Variants in CTTNBP2 observed in about 807,000 individuals in gnomAD.
The protein encoded by CTTNBP2 is cortactin binding protein 2, also known as cortactin-binding protein 2.
CTTNBP2 carries 108 observed loss-of-function variants against 156.9 expected under a neutral mutation model. The observed-to-expected ratio is 0.69, with a 90% confidence interval of 0.59 to 0.81. The LOEUF is 0.81. CTTNBP2 is among the 30% of genes least tolerant of loss of function. CTTNBP2 has a pLI of 0.00. For synonymous variants in CTTNBP2, 767 were observed against 751.8 expected, an observed-to-expected ratio of 1.02 and a Z score of -0.33; for missense variants, 1,924 against 2,035.4, an observed-to-expected ratio of 0.95 and a Z score of 1.05.
At chr7:117,795,079 G>C (rs1237222234) in intron 3 of CTTNBP2, among the ~76,000 whole-genome samples, 11 of 149,406 alleles carry the variant, frequency 7.4e-5, no homozygotes, top group Non-Finnish European at 1.3e-4. Context: ...TGTATTTTTA[G>C]TAGAGACGGG....
chr7:117,854,462 A>G (rs1803127874), intron 2 of CTTNBP2, among the ~76,000 whole-genome samples: 1 of 152,220 alleles, frequency 6.6e-6, no homozygotes, highest in Non-Finnish European at 1.5e-5. Flanking sequence ...TTAAAACTAG[A>G]GTGGAACCAT....
At chr7:117,839,264 T>C (rs939647253) in intron 2 of CTTNBP2, among the ~76,000 whole-genome samples, 3 of 152,190 alleles carry the variant, frequency 2.0e-5, no homozygotes, top group Admixed American at 1.3e-4. Flanking sequence ...TGTAGTCTCA[T>C]TGAATCCTGA....
chr7:117,863,501 C>A (rs1057149947), intron 1 of CTTNBP2, among the ~76,000 whole-genome samples: 4 of 152,178 alleles, frequency 2.6e-5, no homozygotes, highest in Non-Finnish European at 5.9e-5. Flanking sequence ...TGTGAAAAAA[C>A]AAGCCACGGG....
chr7:117,775,946 TTG>T (rs1562994647), intron 8 of CTTNBP2, among the ~76,000 whole-genome samples: 23 of 152,160 alleles, frequency 1.5e-4, no homozygotes, highest in African/African-American at 4.6e-4. Context: ...CCAGACTGAA[TTG>T]AATCATGCCC....
intron 2 of CTTNBP2, among the ~76,000 whole-genome samples, chr7:117,829,030 T>G (rs1390251947): frequency 6.6e-6 from 1 of 152,232 alleles, no homozygotes; most frequent in African/African-American, 2.4e-5. Flanking sequence ...AAAACTGAAT[T>G]ATATATTTAA....
At chr7:117,768,093 A>ACACACACACACG (rs1298795797) in intron 8 of CTTNBP2, among the ~76,000 whole-genome samples, 1 of 5,642 alleles carries the variant, frequency 1.8e-4, no homozygotes, top group Non-Finnish European at 3.6e-4. Flanking sequence ...CTGTAAATGC[A>ACACACACACACG]CACACACACA....
intron 22 of CTTNBP2, among the ~76,000 whole-genome samples, chr7:117,713,423 C>G (rs1415935774): frequency 1.3e-5 from 2 of 152,188 alleles, no homozygotes; most frequent in African/African-American, 2.4e-5. Flanking sequence ...TTCTTCAATA[C>G]TAATTTCTAA....
At chr7:117,807,973 C>A (rs1305420094) in intron 3 of CTTNBP2, among the ~76,000 whole-genome samples, 6 of 152,218 alleles carry the variant, frequency 3.9e-5, no homozygotes, top group Non-Finnish European at 8.8e-5. Context: ...AACTAAGAAT[C>A]CTGTCTGAGG....
At chr7:117,756,344 G>C (rs1796880877) in intron 12 of CTTNBP2, among the ~76,000 whole-genome samples, 1 of 151,920 alleles carries the variant, frequency 6.6e-6, no homozygotes, top group Non-Finnish European at 1.5e-5. Flanking sequence ...GTGGTCTCTG[G>C]ATCCAGGCAA....
intron 1 of CTTNBP2, among the ~76,000 whole-genome samples, chr7:117,866,487 A>T (rs1159835045): frequency 6.6e-6 from 1 of 152,144 alleles, no homozygotes; most frequent in Non-Finnish European, 1.5e-5. Context: ...TCTTCCCACC[A>T]ACACCAAGAG....
chr7:117,828,759 T>C (rs1489975679), intron 2 of CTTNBP2, among the ~76,000 whole-genome samples: 2 of 152,244 alleles, frequency 1.3e-5, no homozygotes, highest in South Asian at 2.1e-4. Context: ...TCTATGTGTA[T>C]ACAATTTTTC....
In CTTNBP2 at chr7:117,711,752, T is replaced by C. The variant is rs1185557631; in HGVS notation, c.4777A>G (p.Thr1593Ala). 3 of 1,613,588 alleles carry C rather than the reference T, an allele frequency of 1.9e-6. No homozygotes were observed. Among genetic ancestry groups the C allele is most frequent in the Non-Finnish European group, 2.5e-6 (3 of 1,179,732 alleles). ...EVSPLSSHQT[T>A]ECSNSKSKTE... The stretch of plus-strand genomic sequence containing the variant: ...TTTGATTTACTGTTGCTGCATTCAG[T>C]AGTTTGATGGCTGCTGAGAGGACTG... The change falls in exon 23 of 23, where the codon ACT becomes GCT. Residue 1593 changes from threonine to alanine, a missense_variant. Coordinates refer to ENST00000160373, the MANE Select transcript of CTTNBP2 (RefSeq NM_033427.3).
intron 2 of CTTNBP2, among the ~76,000 whole-genome samples, chr7:117,818,803 G>A (rs973401748): frequency 2.6e-5 from 4 of 152,242 alleles, no homozygotes; most frequent in African/African-American, 9.6e-5. Context: ...TATGTTTGAA[G>A]AGGTGTTTGA....
At chr7:117,725,290 A>T in intron 17 of CTTNBP2, 33 bp from the exon 18 acceptor site, 1 of 1,581,324 alleles carries the variant, frequency 6.3e-7, no homozygotes, top group Non-Finnish European at 8.7e-7. Context: ...ATCCCTTAGG[A>T]GCAGGCTTCT....
At chr7:117,769,602 T>C (rs184195559) in intron 8 of CTTNBP2, among the ~76,000 whole-genome samples, 34 of 152,314 alleles carry the variant, frequency 2.2e-4, no homozygotes, top group Non-Finnish European at 3.5e-4. Context: ...ATTTAAGAAA[T>C]TGCTAAGCTA....
chr7:117,796,813 T>TTATG (rs1799347817), intron 3 of CTTNBP2, among the ~76,000 whole-genome samples: 3 of 152,306 alleles, frequency 2.0e-5, no homozygotes, highest in Non-Finnish European at 4.4e-5. Flanking sequence ...TTTTTATAAG[T>TTATG]TAGATAGGGG....
chr7:117,830,113 C>T (rs1478710655), intron 2 of CTTNBP2, among the ~76,000 whole-genome samples: 1 of 152,102 alleles, frequency 6.6e-6, no homozygotes, highest in Non-Finnish European at 1.5e-5. Context: ...TCTTGATAGC[C>T]CATTTCCAAA....
chr7:117,717,426 C>T (rs1170527737), intron 22 of CTTNBP2, among the ~76,000 whole-genome samples: 2 of 151,410 alleles, frequency 1.3e-5, no homozygotes, highest in South Asian at 2.1e-4. Context: ...TAGGAACAAC[C>T]AAGATGACAG....
At chr7:117,769,628 G>A (rs760113433) in intron 8 of CTTNBP2, among the ~76,000 whole-genome samples, 5 of 152,138 alleles carry the variant, frequency 3.3e-5, no homozygotes, top group South Asian at 2.1e-4. Context: ...TTAACAGAAC[G>A]CAAAGTCAGA....
Sources: gnomAD v4.1 joint callset for allele counts (sites outside exome capture counted in the v4.1 genomes callset) on GRCh38, gnomAD v4.1.1 for gene constraint, MANE v1.5 for transcripts, NCBI Gene and HGNC (gene_info 2026-07-23, HGNC 2026-07-21) for gene names.